ALMS1: variants seen among roughly 807,000 people sequenced by gnomAD.
ALMS1 encodes the protein ALMS1 centrosome and basal body associated protein, also known as centrosome-associated protein ALMS1.
Under a neutral mutation model 352.2 loss-of-function variants are expected in ALMS1, and 271 were observed. The ratio of observed to expected loss-of-function variants is 0.77; its 90% confidence interval spans 0.70 to 0.85. The LOEUF (loss-of-function observed/expected upper bound fraction) is 0.85, where lower values mean the gene tolerates loss of function less well. ALMS1 is among the 40% of genes least tolerant of loss of function. The pLI is 0.00. For synonymous variants in ALMS1, 1,865 were observed against 1,761.2 expected (o/e 1.06, Z -1.48); for missense variants, 5,445 against 4,870.7 (o/e 1.12, Z -3.51).
At chr2:73,495,115 T>C (rs1176917545) in intron 10 of ALMS1, among the ~76,000 whole-genome samples, 1 of 152,220 alleles carries the variant, frequency 6.6e-6, no homozygotes, top group African/African-American at 2.4e-5. Flanking sequence ...CATTACTGTT[T>C]TGTTGCTCAA....
intron 7 of ALMS1, among the ~76,000 whole-genome samples, chr2:73,445,673 CT>C (rs1457631884): frequency 6.6e-6 from 1 of 152,056 alleles, no homozygotes; most frequent in African/African-American, 2.4e-5. Context: ...TACTAAGCAC[CT>C]TAGTATGGAG....
chr2:73,583,316 C>T (rs1675230194), intron 16 of ALMS1, among the ~76,000 whole-genome samples: 1 of 152,032 alleles, frequency 6.6e-6, no homozygotes, highest in South Asian at 2.1e-4. Context: ...GCATGAGCCA[C>T]CATACCTGGC....
intron 1 of ALMS1, among the ~76,000 whole-genome samples, chr2:73,407,214 T>A (rs947821098): frequency 6.6e-6 from 1 of 152,112 alleles, no homozygotes; most frequent in Non-Finnish European, 1.5e-5. Context: ...CCTCTTCTTA[T>A]AAAGCTACCA....
At chr2:73,396,853 A>C (rs1307536729) in intron 1 of ALMS1, among the ~76,000 whole-genome samples, 1 of 151,836 alleles carries the variant, frequency 6.6e-6, no homozygotes, top group Non-Finnish European at 1.5e-5. Context: ...ACCGTGTTAG[A>C]CGGGATGGTC....
chr2:73,432,519 A>G (rs1338504773), intron 7 of ALMS1, among the ~76,000 whole-genome samples: 4 of 147,554 alleles, frequency 2.7e-5, no homozygotes, highest in Non-Finnish European at 5.9e-5. Context: ...GCAGTTCTAG[A>G]GGCTGGTTCC....
intron 21 of ALMS1, among the ~76,000 whole-genome samples, chr2:73,607,515 A>G (rs1371906342): frequency 1.3e-5 from 2 of 151,880 alleles, no homozygotes; most frequent in African/African-American, 4.8e-5. Context: ...TTTCCCACCT[A>G]TTCCTTTACG....
rs1018743011 is a variant in ALMS1, at chr2:73,557,411, A to G, written c.10213+57A>G. On this transcript the variant is annotated intron_variant, in intron 14 of 22. Coordinates refer to ENST00000613296, the MANE Select transcript of ALMS1 (RefSeq NM_001378454.1). The stretch of plus-strand genomic sequence containing the variant: ...TCTTCTGGTCTTCTAAAATGAGACT[A>G]TTCCCTTAAGAACAGAAACAGAAAT... The G allele has an allele frequency of 6.8e-6, 11 of 1,607,838 alleles. No homozygotes were observed. In the East Asian group the frequency reaches 1.3e-4, roughly 20 times the overall value.
At chr2:73,419,383 G>A in intron 3 of ALMS1, 65 bp downstream of exon 3, 18 of 1,489,230 alleles carry the variant, frequency 1.2e-5, no homozygotes, top group Non-Finnish European at 1.7e-5. Context: ...GGGACTGCAA[G>A]TCTTGTAACT....
At chr2:73,533,240 T>C (rs892824358) in intron 11 of ALMS1, among the ~76,000 whole-genome samples, 5 of 152,256 alleles carry the variant, frequency 3.3e-5, no homozygotes, top group Admixed American at 3.3e-4. Context: ...TCTTACTAGG[T>C]TGCATACGCC....
intron 16 of ALMS1, among the ~76,000 whole-genome samples, chr2:73,598,224 T>G (rs572101794): frequency 6.6e-6 from 1 of 152,198 alleles, no homozygotes; most frequent in Non-Finnish European, 1.5e-5. Context: ...CAAATCTAGG[T>G]ATGGTATGCT....
In ALMS1 at chr2:73,557,300, G is replaced by C. The variant is rs1373299586; in HGVS notation, c.10159G>C (p.Val3387Leu). 6.2e-7 allele frequency: 1 copy of C among 1,614,210 alleles called. No individual in the cohort carries two copies. Among genetic ancestry groups the C allele is most frequent in the African/African-American group, 1.3e-5 (1 of 75,066 alleles). The change falls in exon 14 of 23, where the codon GTG becomes CTG. Residue 3387 changes from valine to leucine, a missense_variant. Transcript: ENST00000613296. ...GCAAGAGATTCACAGTACAAGGGCAGTGACTGAGGCTGCCCAGGCTAAAGA... is the reference window on the plus strand; with the variant it reads ...GCAAGAGATTCACAGTACAAGGGCACTGACTGAGGCTGCCCAGGCTAAAGA... The part of the protein sequence containing the change: ...KQQEIHSTRA[V>L]TEAAQAKEKE...
intron 15 of ALMS1, among the ~76,000 whole-genome samples, chr2:73,563,955 C>A (rs1166855723): frequency 6.6e-6 from 1 of 151,514 alleles, no homozygotes; most frequent in East Asian, 1.9e-4. Flanking sequence ...TATGACAGAT[C>A]GTGGAGATGA....
At chr2:73,533,125 C>T (rs1005586479) in intron 11 of ALMS1, among the ~76,000 whole-genome samples, 1 of 152,192 alleles carries the variant, frequency 6.6e-6, no homozygotes, top group Non-Finnish European at 1.5e-5. Context: ...GTTTAATCTT[C>T]CGTCTTCCGA....
At chr2:73,554,305 A>T (rs559482150) in intron 13 of ALMS1, among the ~76,000 whole-genome samples, 5 of 152,264 alleles carry the variant, frequency 3.3e-5, no homozygotes, top group African/African-American at 1.2e-4. Context: ...ACCAGGAAAG[A>T]TAAAATTGTG....
chr2:73,496,044 T>C (rs1182415408), intron 10 of ALMS1, among the ~76,000 whole-genome samples: 2 of 152,236 alleles, frequency 1.3e-5, no homozygotes, highest in Non-Finnish European at 2.9e-5. Context: ...TTCTTCAGTA[T>C]GAGTACGTGA....
Position 73,451,470 on chromosome 2 carries a change from C to G in ALMS1, c.4943C>G (p.Pro1648Arg), listed in dbSNP as rs372540975. 2.5e-6 allele frequency: 4 copies of G among 1,613,962 alleles called. No homozygotes were observed. The highest frequency in any genetic ancestry group is 3.4e-6 in the Non-Finnish European group (4 of 1,180,008). Reference protein sequence around the residue: ...NKEVVKVSAAPGPADQKTETL... With the variant: ...NKEVVKVSAARGPADQKTETL... The stretch of plus-strand genomic sequence containing the variant: ...GAGGTTGTGAAAGTTTCAGCTGCTC[C>G]TGGACCAGCTGACCAGAAGACTGAG... The change falls in exon 8 of 23, where the codon CCT becomes CGT. Residue 1648 changes from proline (P) to arginine (R), a missense_variant. Pro to Arg is a moderately radical substitution (Grantham distance 103). Transcript: ENST00000613296.
intron 1 of ALMS1, among the ~76,000 whole-genome samples, chr2:73,396,004 C>T (rs867187177): frequency 3.9e-5 from 6 of 152,148 alleles, no homozygotes; most frequent in South Asian, 2.1e-4. Context: ...AGAAGGTTTA[C>T]GAATTTGTGT....
At chr2:73,472,214 T>G (rs1672482674) in intron 9 of ALMS1, among the ~76,000 whole-genome samples, 1 of 151,988 alleles carries the variant, frequency 6.6e-6, no homozygotes, top group African/African-American at 2.4e-5. Context: ...GGAATTGATG[T>G]TAGGTAGGTA....
chr2:73,449,470 G>A lies in ALMS1; in HGVS notation c.2943G>A (p.Met981Ile), dbSNP rs757088179. The A allele has an allele frequency of 1.7e-5, 27 of 1,613,848 alleles. No individual in the cohort carries two copies. The highest frequency in any genetic ancestry group is 2.3e-5 in the Non-Finnish European group (27 of 1,179,950). Residue 981 changes from methionine (M) to isoleucine (I), a missense_variant, in exon 8 of 23, where the codon ATG (methionine) becomes ATA (isoleucine). By Grantham distance (10) the Met-to-Ile change is conservative (BLOSUM62 1). Coordinates refer to ENST00000613296, the MANE Select transcript of ALMS1 (RefSeq NM_001378454.1). Reference protein sequence around the residue: ...DSDLPRESLKMSAIPGLTDQK... With the variant: ...DSDLPRESLKISAIPGLTDQK... Reference sequence around the variant, plus strand: ...ATCTACCTAGAGAATCTCTGAAAATGTCTGCTATTCCTGGACTGACTGACC... The same window carrying A: ...ATCTACCTAGAGAATCTCTGAAAATATCTGCTATTCCTGGACTGACTGACC...
Sources: gnomAD v4.1 joint callset for allele counts (sites outside exome capture counted in the v4.1 genomes callset) on GRCh38, gnomAD v4.1.1 for gene constraint, MANE v1.5 for transcripts, NCBI Gene and HGNC (gene_info 2026-07-23, HGNC 2026-07-21) for gene names.